FAM168A: variants seen among roughly 807,000 people sequenced by gnomAD.
FAM168A encodes the protein family with sequence similarity 168 member A, also known as protein FAM168A.
A neutral mutation model predicts 28.5 loss-of-function variants in FAM168A; 3 were observed. The ratio of observed to expected loss-of-function variants is 0.11; its 90% CI spans 0.05 to 0.27. FAM168A has a LOEUF of 0.27. Among genes scored for constraint, FAM168A ranks in the 10% least tolerant of loss-of-function variants. FAM168A has a pLI of 1.00. For synonymous variants in FAM168A, 122 were observed against 124.2 expected (o/e 0.98, Z 0.12); for missense variants, 222 against 311.5 (o/e 0.71, Z 2.16).
intron 1 of FAM168A, among the ~76,000 whole-genome samples, chr11:73,576,781 CT>C (rs1382749484): frequency 6.6e-6 from 1 of 152,114 alleles, no homozygotes; most frequent in African/African-American, 2.4e-5. Flanking sequence ...AGCAAATCTA[CT>C]TTATTCACTA....
chr11:73,471,843 C>T lies in FAM168A; in HGVS notation c.-18-3351G>A, dbSNP rs907059500. On this transcript the variant is annotated intron_variant, in intron 1 of 7. Coordinates refer to ENST00000356467, the MANE Select transcript of FAM168A (RefSeq NM_015159.3). The stretch of plus-strand genomic sequence containing the variant: ...ATTTTTTTTCAAGTGAAAGATATAT[C>T]AGATGGCAATAAAAACTGTAAAGCA... Among the ~76,000 whole-genome samples the T allele has an allele frequency of 3.9e-5, 6 of 152,130 alleles. No individual in the cohort carries two copies. The South Asian group carries it at 1.2e-3, about 32-fold the overall frequency.
chr11:73,411,689 G>C (rs1349388723), intron 4 of FAM168A, among the ~76,000 whole-genome samples, 153 bp from the exon 5 acceptor site: 6 of 152,192 alleles, frequency 3.9e-5, no homozygotes, highest in African/African-American at 1.4e-4. Flanking sequence ...GCTCCACCCA[G>C]AAAGCCCTGG....
chr11:73,582,575 C>T (rs1416958276), intron 1 of FAM168A, among the ~76,000 whole-genome samples: 2 of 152,144 alleles, frequency 1.3e-5, no homozygotes, highest in African/African-American at 2.4e-5. Flanking sequence ...CTTAAAGTCT[C>T]AATCTTTCTA....
rs781398055 is a variant in FAM168A at position 73,409,497 on chromosome 11, T to C, written c.585A>G (p.Ala195=). The change falls in exon 6 of 8, where the codon GCA becomes GCG. Residue 195 remains alanine, a synonymous_variant. Transcript: ENST00000356467. ...AMGMVAGTTM[A]MSAGTLLTTP... ...AGATGCTGCCCTCACCTGCTGACAT[T>C]GCCATGGTGGTGCCTGCCACCATGC... The C allele has an allele frequency of 3.1e-6, 5 of 1,613,654 alleles. No individual in the cohort carries two copies.
At chr11:73,455,750 GC>G (rs1488999099) in intron 2 of FAM168A, among the ~76,000 whole-genome samples, 11 of 152,208 alleles carry the variant, frequency 7.2e-5, no homozygotes, top group Non-Finnish European at 1.5e-5. Context: ...AGTCATTTAG[GC>G]CCCCTCCTAT....
In FAM168A at chr11:73,433,076, C is replaced by CTTTTT. The variant is rs34994742; in HGVS notation, c.71-2311_71-2307dup. On this transcript the variant is annotated intron_variant, in intron 2 of 7. Coordinates refer to ENST00000356467, the MANE Select transcript of FAM168A (RefSeq NM_015159.3). ...ACAGGTGCGTGCCACCACGCCCCGC[C>CTTTTT]TTTTTTTTTTTTTTTTTTTTTTTTT... 2.0e-3 allele frequency among the ~76,000 whole-genome samples: 165 copies of CTTTTT among 80,608 alleles called. 10 individuals carry two copies. The highest frequency in any genetic ancestry group is 9.5e-3 in the African/African-American group (140 of 14,702). The allele number at this position is 80,608 out of a possible 152,430, so 52.9% of individuals were successfully genotyped here. A position where few individuals can be genotyped will look rare whatever the true frequency, so the allele number is the denominator to read the frequency against.
chr11:73,548,899 G>T (rs1943792489), intron 1 of FAM168A, among the ~76,000 whole-genome samples: 1 of 152,078 alleles, frequency 6.6e-6, no homozygotes, highest in Admixed American at 6.5e-5. Flanking sequence ...GCCTCCCAAA[G>T]TGCTGGGATT....
chr11:73,544,824 T>A (rs1282287974), intron 1 of FAM168A, among the ~76,000 whole-genome samples: 2 of 99,700 alleles, frequency 2.0e-5, no homozygotes, highest in Non-Finnish European at 3.5e-5. Context: ...TATAATAAAT[T>A]TATTATATAT....
At chr11:73,423,736 A>G (rs757391437) in intron 3 of FAM168A, among the ~76,000 whole-genome samples, 1 of 152,112 alleles carries the variant, frequency 6.6e-6, no homozygotes, top group African/African-American at 2.4e-5. Flanking sequence ...CCCAATCCCT[A>G]TGATTCTTGG....
At chr11:73,476,084 G>A (rs1867883886) in intron 1 of FAM168A, among the ~76,000 whole-genome samples, 1 of 152,122 alleles carries the variant, frequency 6.6e-6, no homozygotes, top group Admixed American at 6.5e-5. Flanking sequence ...CTGTAAAGAA[G>A]GTCTTCTGTA....
At chr11:73,541,389 T>G (rs1167117814) in intron 1 of FAM168A, among the ~76,000 whole-genome samples, 1 of 151,684 alleles carries the variant, frequency 6.6e-6, no homozygotes, top group Non-Finnish European at 1.5e-5. Flanking sequence ...TTTTTTTTCT[T>G]TGAGACAGAG....
chr11:73,443,899 T>G (rs1590781054), intron 2 of FAM168A, among the ~76,000 whole-genome samples: 1 of 152,290 alleles, frequency 6.6e-6, no homozygotes, highest in Admixed American at 6.5e-5. Context: ...GCTTGGAAGG[T>G]GAGCAGGGCC....
intron 1 of FAM168A, among the ~76,000 whole-genome samples, chr11:73,549,421 C>T (rs959802918): frequency 6.6e-6 from 1 of 152,146 alleles, no homozygotes; most frequent in Non-Finnish European, 1.5e-5. Context: ...TTCAGTTATT[C>T]AGTCTCACTA....
chr11:73,593,957 T>C lies in FAM168A; in HGVS notation c.-19+3966A>G, dbSNP rs754698373. 8.5e-5 allele frequency among the ~76,000 whole-genome samples: 13 copies of C among 152,238 alleles called. 1 individual carries two copies. The highest frequency in any genetic ancestry group is 1.9e-4 in the Non-Finnish European group (13 of 68,036). On this transcript the variant is annotated intron_variant, in intron 1 of 7. Transcript: ENST00000356467. ...TCTTTCCCATGACACTGAAAGCTCC[T>C]TGACAACTGCTTTCTGTTCATTTTT...
At chr11:73,440,469 C>T (rs941534198) in intron 2 of FAM168A, among the ~76,000 whole-genome samples, 2 of 152,050 alleles carry the variant, frequency 1.3e-5, no homozygotes, top group South Asian at 4.2e-4. Flanking sequence ...GGCAATGTAG[C>T]GAGACCCTGG....
At chr11:73,477,204 G>A (rs1867899918) in intron 1 of FAM168A, among the ~76,000 whole-genome samples, 1 of 151,808 alleles carries the variant, frequency 6.6e-6, no homozygotes, top group South Asian at 2.1e-4. Flanking sequence ...ATAGACACTA[G>A]GACTTACTTG....
intron 1 of FAM168A, among the ~76,000 whole-genome samples, chr11:73,498,782 G>A (rs566114470): frequency 6.6e-6 from 1 of 152,300 alleles, no homozygotes; most frequent in Non-Finnish European, 1.5e-5. Flanking sequence ...GTCTAACCCT[G>A]ACCCATCCTT....
At chr11:73,563,903 A>C (rs996255397) in intron 1 of FAM168A, among the ~76,000 whole-genome samples, 5 of 152,246 alleles carry the variant, frequency 3.3e-5, no homozygotes, top group African/African-American at 1.2e-4. Context: ...TTACTGACTT[A>C]ATTAACTGAG....
intron 1 of FAM168A, among the ~76,000 whole-genome samples, chr11:73,475,033 C>T (rs1203080692): frequency 1.3e-5 from 2 of 152,118 alleles, no homozygotes; most frequent in Admixed American, 6.5e-5. Flanking sequence ...CCTGGTGAAG[C>T]TGATTTTTCA....
Sources: gnomAD v4.1 joint callset for allele counts (sites outside exome capture counted in the v4.1 genomes callset) on GRCh38, gnomAD v4.1.1 for gene constraint, MANE v1.5 for transcripts, NCBI Gene and HGNC (gene_info 2026-07-23, HGNC 2026-07-21) for gene names.